Variants in PRKCI observed in about 807,000 individuals in gnomAD.
PRKCI encodes protein kinase C iota.
Under a neutral mutation model 84.0 loss-of-function variants are expected in PRKCI, and 43 were observed. The ratio of observed to expected loss-of-function variants is 0.51; its 90% CI spans 0.40 to 0.66. The LOEUF (loss-of-function observed/expected upper bound fraction) is 0.66. Among genes scored for constraint, PRKCI ranks in the 30% least tolerant of loss-of-function variants. PRKCI has a pLI of 0.00. For missense variants in PRKCI, 459 were observed against 745.6 expected (o/e 0.62, Z 4.48); for synonymous variants, 216 against 234.4 (o/e 0.92, Z 0.72).
chr3:170,243,638 C>T lies in PRKCI; in HGVS notation c.223+8287C>T, dbSNP rs539520516. Among the ~76,000 whole-genome samples, 8 of 152,244 alleles carry T rather than the reference C, an allele frequency of 5.3e-5. No individual in the cohort carries two copies. In the South Asian group the frequency reaches 8.3e-4, roughly 16 times the overall value. On this transcript the variant is annotated intron_variant, in intron 2 of 17. Coordinates refer to ENST00000295797, the MANE Select transcript of PRKCI (RefSeq NM_002740.6). ...ATGGGGCACTTCATCCCAGGCACAT[C>T]CTTGGGCAGATGGTTTTTAGTAAGG...
At chr3:170,286,559 T>G (rs1383654977) in intron 12 of PRKCI, among the ~76,000 whole-genome samples, 1 of 149,336 alleles carries the variant, frequency 6.7e-6, no homozygotes, top group African/African-American at 2.5e-5. Flanking sequence ...TACAAGAGTT[T>G]AAAGAAATGG....
rs543975278 is a variant in PRKCI at position 170,295,822 on chromosome 3, G to T, written c.1418-89G>T. ...ATTGCATCACTGCACTCCAACCTGG[G>T]CAACAGAACAAGCCCCTTTCAAAAA... On this transcript the variant is annotated intron_variant, in intron 14 of 17. Transcript: ENST00000295797. 62 of 700,168 alleles carry T rather than the reference G, an allele frequency of 8.9e-5. No homozygotes were observed. In the South Asian group the frequency reaches 2.4e-3, roughly 27 times the overall value. The allele number at this position is 700,168 out of a possible 1,614,324, so 43.4% of individuals were successfully genotyped here.
intron 1 of PRKCI, among the ~76,000 whole-genome samples, chr3:170,223,077 G>A (rs1157467927): frequency 1.3e-5 from 2 of 152,174 alleles, no homozygotes; most frequent in African/African-American, 4.8e-5. Context: ...TGAGAGCTTT[G>A]TAGGGGCCTT....
At chr3:170,239,503 C>T (rs1386946674) in intron 2 of PRKCI, among the ~76,000 whole-genome samples, 1 of 152,174 alleles carries the variant, frequency 6.6e-6, no homozygotes, top group Non-Finnish European at 1.5e-5. Flanking sequence ...AATTGCAGCA[C>T]ACATAGGCAT....
At chr3:170,273,086 T>G (rs1404785780) in intron 6 of PRKCI, among the ~76,000 whole-genome samples, 200 bp from the exon 7 acceptor site, 1 of 152,234 alleles carries the variant, frequency 6.6e-6, no homozygotes, top group Non-Finnish European at 1.5e-5. Flanking sequence ...TGTATTTTCT[T>G]TTCTGTAAAA....
chr3:170,230,481 C>T (rs1732756624), intron 1 of PRKCI, among the ~76,000 whole-genome samples: 1 of 152,188 alleles, frequency 6.6e-6, no homozygotes, highest in African/African-American at 2.4e-5. Flanking sequence ...CAGGCATGCG[C>T]CACCATGTCC....
intron 4 of PRKCI, 129 bp from the exon 5 acceptor site, chr3:170,267,786 C>T (rs562726265): frequency 1.6e-4 from 81 of 501,806 alleles, no homozygotes; most frequent in East Asian, 1.2e-3. Context: ...TATTTTTTGA[C>T]GTTCAGGTTT....
chr3:170,256,771 G>T (rs780001511), intron 2 of PRKCI, among the ~76,000 whole-genome samples: 1 of 151,824 alleles, frequency 6.6e-6, no homozygotes, highest in African/African-American at 2.4e-5. Flanking sequence ...TTCATTTAGC[G>T]CCTTTCTCCT....
In PRKCI at chr3:170,225,532, A is replaced by G. The variant is rs181836004; in HGVS notation, c.101+2762A>G. Among the ~76,000 whole-genome samples, 205 of 151,490 alleles carry G rather than the reference A, an allele frequency of 1.4e-3. 1 individual carries two copies. Among genetic ancestry groups the G allele is most frequent in the African/African-American group, 4.7e-3 (194 of 41,334 alleles). ...CTCTCCAATCTTCTGAAGGGCCATT[A>G]TTACATAGCATTTCCTCTATCCCTC... On this transcript the variant is annotated intron_variant, in intron 1 of 17. Transcript: ENST00000295797.
At chr3:170,240,184 A>G (rs1379293168) in intron 2 of PRKCI, among the ~76,000 whole-genome samples, 2 of 152,112 alleles carry the variant, frequency 1.3e-5, no homozygotes, top group African/African-American at 2.4e-5. Flanking sequence ...ATATGTGTAT[A>G]TATATATTTG....
At chr3:170,281,404 A>G (rs564160811) in intron 10 of PRKCI, 141 bp downstream of exon 10, 24 of 639,462 alleles carry the variant, frequency 3.8e-5, no homozygotes, top group Non-Finnish European at 6.0e-5. Context: ...CCTGCTAATA[A>G]TACTGCCATC....
intron 1 of PRKCI, among the ~76,000 whole-genome samples, chr3:170,233,967 C>T (rs1732872005): frequency 6.6e-6 from 1 of 151,698 alleles, no homozygotes; most frequent in South Asian, 2.1e-4. Context: ...GTGATCCGCC[C>T]ACCTCAGCCT....
chr3:170,285,078 CTTTTTTTT>C (rs199832004), intron 12 of PRKCI, among the ~76,000 whole-genome samples: 1 of 129,822 alleles, frequency 7.7e-6, no homozygotes, highest in Non-Finnish European at 1.7e-5. Flanking sequence ...GTCTTCATTT[CTTTTTTTT>C]TTTTTTTTTT....
intron 3 of PRKCI, among the ~76,000 whole-genome samples, chr3:170,260,933 A>G (rs1288589117): frequency 1.3e-5 from 2 of 152,098 alleles, no homozygotes; most frequent in Non-Finnish European, 2.9e-5. Flanking sequence ...TATGCTAACC[A>G]TCAAAAGTCA....
intron 14 of PRKCI, among the ~76,000 whole-genome samples, chr3:170,295,301 T>C (rs1225126858): frequency 1.3e-5 from 2 of 152,056 alleles, no homozygotes; most frequent in African/African-American, 2.4e-5. Flanking sequence ...GGCAGGAGGA[T>C]TGCTTGAACC....
Position 170,303,316 on chromosome 3 carries a change from A to G in PRKCI, c.*189A>G, listed in dbSNP as rs536090741. 1 of 391,086 alleles carries G rather than the reference A, an allele frequency of 2.6e-6. No homozygotes were observed. Among genetic ancestry groups the G allele is most frequent in the Non-Finnish European group, 4.5e-6 (1 of 222,226 alleles). 24.2% of individuals were successfully genotyped at this position (391,086 alleles called of 1,614,324 possible). A position where few individuals can be genotyped will look rare whatever the true frequency, so the allele number is the denominator to read the frequency against. On this transcript the variant is annotated 3_prime_UTR_variant, in exon 18 of 18. Coordinates refer to ENST00000295797, the MANE Select transcript of PRKCI (RefSeq NM_002740.6). ...CTATGAAAAAAAAATTAATACTACT[A>G]GCTTCCAGACAATCATGTCAAAATT...
intron 3 of PRKCI, among the ~76,000 whole-genome samples, chr3:170,260,985 C>G (rs1031740308): frequency 2.0e-5 from 3 of 151,998 alleles, no homozygotes; most frequent in East Asian, 1.9e-4. Flanking sequence ...GGCAGTTTCT[C>G]TCGCTCTGTT....
intron 3 of PRKCI, among the ~76,000 whole-genome samples, chr3:170,260,985 C>T (rs1031740308): frequency 6.6e-6 from 1 of 151,998 alleles, no homozygotes; most frequent in Non-Finnish European, 1.5e-5. Flanking sequence ...GGCAGTTTCT[C>T]TCGCTCTGTT....
rs1577333820 is a variant in PRKCI, at chr3:170,222,718, G to A, written c.49G>A (p.Gly17Ser). ...SSTMSHTVAGGGSGDHSHQVR... is the reference protein window; with the variant it reads ...SSTMSHTVAGSGSGDHSHQVR... Reference sequence around the variant, plus strand: ...CACCATGTCCCACACGGTCGCAGGCGGCGGCAGCGGGGACCATTCCCACCA... The same window carrying A: ...CACCATGTCCCACACGGTCGCAGGCAGCGGCAGCGGGGACCATTCCCACCA... Residue 17 changes from glycine (G) to serine (S), a missense_variant, in exon 1 of 18, where the codon GGC becomes AGC. Around this residue, in one of 2 missense-constraint regions of PRKCI, gnomAD observed 250 missense variants for 319.7 expected, o/e 0.78. Transcript: ENST00000295797. The A allele has an allele frequency of 6.2e-7, 1 of 1,610,924 alleles. No homozygotes were observed.
Sources: allele counts gnomAD v4.1 joint callset (sites outside exome capture counted in the v4.1 genomes callset), GRCh38; gene constraint gnomAD v4.1.1; regional missense constraint gnomAD v4.1.1; transcripts MANE v1.5; gene names NCBI Gene and HGNC (gene_info 2026-07-23, HGNC 2026-07-21).